NRXN1: variants seen among roughly 807,000 people sequenced by gnomAD.
NRXN1 encodes the protein neurexin-1.
A neutral mutation model predicts 150.9 loss-of-function variants in NRXN1; 39 were observed. The ratio of observed to expected loss-of-function variants is 0.26; its 90% confidence interval spans 0.20 to 0.34. The LOEUF (loss-of-function observed/expected upper bound fraction) is 0.34, where lower values mean the gene tolerates loss of function less well. NRXN1 is among the 10% of genes least tolerant of loss of function. The probability of loss-of-function intolerance (pLI) is 1.00; values close to 1 mark genes in which losing one functional copy is unlikely to be tolerated. For synonymous variants in NRXN1, 924 were observed against 757.0 expected, an observed-to-expected ratio of 1.22 and a Z score of -3.62; for missense variants, 1,815 against 1,949.9, an observed-to-expected ratio of 0.93 and a Z score of 1.30.
intron 5 of NRXN1, among the ~76,000 whole-genome samples, chr2:50,650,743 A>G (rs1685494580): frequency 6.6e-6 from 1 of 152,086 alleles, no homozygotes; most frequent in Non-Finnish European, 1.5e-5. Context: ...ACAAACAGAA[A>G]TCAGTCTCTC....
rs146712639 is a variant in NRXN1, at chr2:50,678,692, C to T, written c.833-55077G>A. Among the ~76,000 whole-genome samples the T allele has an allele frequency of 3.9e-5, 6 of 152,172 alleles. No homozygotes were observed. In the East Asian group the frequency reaches 9.7e-4, roughly 25 times the overall value. On this transcript the variant is annotated intron_variant, in intron 5 of 22. Coordinates refer to ENST00000401669, the MANE Select transcript of NRXN1 (RefSeq NM_001330078.2). ...CCAAACTGAGATATTTTTGACTGTTCGTTGCTAGTGCAGATAATATTCTCT... is the reference window on the plus strand; with the variant it reads ...CCAAACTGAGATATTTTTGACTGTTTGTTGCTAGTGCAGATAATATTCTCT...
At chr2:50,503,179 G>A (rs2092040660) in intron 13 of NRXN1, among the ~76,000 whole-genome samples, 4 of 151,920 alleles carry the variant, frequency 2.6e-5, no homozygotes, top group South Asian at 4.1e-4. Flanking sequence ...ATGATAGCAT[G>A]TGCCTGTAAT....
chr2:50,030,259 C>A (rs1306700164), intron 21 of NRXN1, among the ~76,000 whole-genome samples: 1 of 152,078 alleles, frequency 6.6e-6, no homozygotes, highest in Non-Finnish European at 1.5e-5. Flanking sequence ...TCTTTCTCTG[C>A]CCCTTTTGAA....
chr2:50,681,322 T>G (rs1690372100), intron 5 of NRXN1, among the ~76,000 whole-genome samples: 1 of 152,190 alleles, frequency 6.6e-6, no homozygotes, highest in East Asian at 1.9e-4. Context: ...AACTGGAAAT[T>G]GAATGATCTT....
intron 2 of NRXN1, among the ~76,000 whole-genome samples, chr2:50,995,971 T>C (rs937465642): frequency 2.6e-5 from 4 of 152,060 alleles, no homozygotes; most frequent in African/African-American, 7.2e-5. Flanking sequence ...AGTATTTACA[T>C]AGGTTATCAT....
At chr2:50,832,380 G>A (rs557517495) in intron 5 of NRXN1, among the ~76,000 whole-genome samples, 13 of 152,212 alleles carry the variant, frequency 8.5e-5, no homozygotes, top group South Asian at 8.3e-4. Flanking sequence ...GGCCAGGTGC[G>A]GTGGCTCACA....
intron 9 of NRXN1, among the ~76,000 whole-genome samples, chr2:50,539,244 A>G (rs867132779): frequency 6.6e-6 from 1 of 152,234 alleles, no homozygotes; most frequent in South Asian, 2.1e-4. Flanking sequence ...GTTAAACAAA[A>G]TAATACTAGT....
At chr2:50,991,752 A>G (rs1475849808) in intron 2 of NRXN1, among the ~76,000 whole-genome samples, 2 of 152,058 alleles carry the variant, frequency 1.3e-5, no homozygotes, top group African/African-American at 2.4e-5. Context: ...CGATTCAAGG[A>G]GCACGTTCTT....
chr2:49,998,516 T>A (rs1461200235), intron 21 of NRXN1, among the ~76,000 whole-genome samples: 1 of 152,168 alleles, frequency 6.6e-6, no homozygotes, highest in East Asian at 1.9e-4. Context: ...ACCCAGTATT[T>A]TTTTGCTACC....
At chr2:50,850,559 C>A (rs907917169) in intron 5 of NRXN1, among the ~76,000 whole-genome samples, 1 of 152,108 alleles carries the variant, frequency 6.6e-6, no homozygotes, top group Non-Finnish European at 1.5e-5. Flanking sequence ...TATCAAATTC[C>A]GCACATAAAT....
chr2:50,709,754 A>C (rs1694909038), intron 5 of NRXN1, among the ~76,000 whole-genome samples: 1 of 152,176 alleles, frequency 6.6e-6, no homozygotes, highest in Non-Finnish European at 1.5e-5. Context: ...TGCTTAAGGA[A>C]TGAACTATTC....
chr2:50,590,454 T>A (rs1479792250), intron 8 of NRXN1, among the ~76,000 whole-genome samples: 1 of 152,170 alleles, frequency 6.6e-6, no homozygotes, highest in Non-Finnish European at 1.5e-5. Flanking sequence ...ATGACCTTAA[T>A]ACCTTTATAT....
chr2:51,018,162 C>T (rs962717170), intron 2 of NRXN1, among the ~76,000 whole-genome samples: 3 of 152,044 alleles, frequency 2.0e-5, no homozygotes, highest in African/African-American at 7.2e-5. Context: ...TGGATTAGAA[C>T]CCACACAGAA....
At chr2:50,183,476 T>A (rs1391688056) in intron 18 of NRXN1, among the ~76,000 whole-genome samples, 1 of 151,922 alleles carries the variant, frequency 6.6e-6, no homozygotes. Flanking sequence ...CTTTTATTTA[T>A]CAAAAAAGTC....
intron 21 of NRXN1, chr2:50,023,559 A>C (rs1687872276): frequency 1.3e-5 from 2 of 152,198 alleles, no homozygotes; most frequent in South Asian, 4.1e-4. Context: ...GGTTAATACA[A>C]GGCTTCATGG....
intron 5 of NRXN1, among the ~76,000 whole-genome samples, chr2:50,894,778 T>C (rs1681666018): frequency 6.6e-6 from 1 of 152,168 alleles, no homozygotes; most frequent in Non-Finnish European, 1.5e-5. Context: ...GGATATCATT[T>C]GAGGAATGCT....
chr2:50,012,762 T>C (rs907872022), intron 21 of NRXN1, among the ~76,000 whole-genome samples: 9 of 152,172 alleles, frequency 5.9e-5, no homozygotes, highest in Non-Finnish European at 1.2e-4. Flanking sequence ...AAAGAAGTAG[T>C]TGACCTTTTA....
At chr2:50,079,968 T>A (rs1284080817) in intron 19 of NRXN1, among the ~76,000 whole-genome samples, 1 of 152,112 alleles carries the variant, frequency 6.6e-6, no homozygotes, top group African/African-American at 2.4e-5. Flanking sequence ...AAGCAATTCA[T>A]GCCATTTCAG....
chr2:50,111,714 C>T (rs1443321131), intron 18 of NRXN1, among the ~76,000 whole-genome samples: 1 of 152,060 alleles, frequency 6.6e-6, no homozygotes, highest in African/African-American at 2.4e-5. Flanking sequence ...ACCCTCTTGC[C>T]AAATCACAGC....
Sources: gnomAD v4.1 joint callset for allele counts (sites outside exome capture counted in the v4.1 genomes callset) on GRCh38, gnomAD v4.1.1 for gene constraint, MANE v1.5 for transcripts, NCBI Gene and HGNC (gene_info 2026-07-23, HGNC 2026-07-21) for gene names.